Variants in MSH3 observed in about 807,000 individuals in gnomAD.
The protein encoded by MSH3 is mutS homolog 3.
A neutral mutation model predicts 123.3 loss-of-function variants in MSH3; 106 were observed. That is an observed-to-expected ratio of 0.86 (90% CI 0.73 to 1.01). The LOEUF is 1.01. MSH3 is among the 50% of genes least tolerant of loss of function. MSH3 has a pLI of 0.00. For synonymous variants in MSH3, 515 were observed against 481.4 expected (o/e 1.07, Z -0.91); for missense variants, 1,459 against 1,347.6 (o/e 1.08, Z -1.29).
At chr5:80,699,241 G>C (rs567390386) in intron 8 of MSH3, among the ~76,000 whole-genome samples, 84 of 152,304 alleles carry the variant, frequency 5.5e-4, no homozygotes, top group African/African-American at 1.9e-3. Flanking sequence ...TAACAAAACT[G>C]ATTTGGGTTT....
intron 8 of MSH3, among the ~76,000 whole-genome samples, chr5:80,710,405 A>G (rs1452824954): frequency 6.6e-6 from 1 of 152,208 alleles, no homozygotes; most frequent in African/African-American, 2.4e-5. Flanking sequence ...TTATAGCACA[A>G]TTAAAATTAT....
chr5:80,727,553 A>G (rs1743324089), intron 9 of MSH3, among the ~76,000 whole-genome samples: 1 of 152,244 alleles, frequency 6.6e-6, no homozygotes, highest in Admixed American at 6.5e-5. Flanking sequence ...ATCATTAACA[A>G]TTTGGCATAT....
chr5:80,792,025 A>G (rs1744614884), intron 18 of MSH3, among the ~76,000 whole-genome samples: 2 of 152,216 alleles, frequency 1.3e-5, no homozygotes, highest in East Asian at 3.8e-4. Flanking sequence ...AAAAGATACA[A>G]AAGACCGTAG....
chr5:80,675,202 T>A (rs1337448922), intron 7 of MSH3, 74 bp downstream of exon 7: 2 of 1,480,212 alleles, frequency 1.4e-6, no homozygotes, highest in Non-Finnish European at 1.9e-6. Flanking sequence ...CATGTATGGT[T>A]TATAATAAGG....
intron 22 of MSH3, among the ~76,000 whole-genome samples, chr5:80,865,888 G>A (rs1050609343): frequency 6.6e-6 from 1 of 152,170 alleles, no homozygotes. Context: ...GGCAGTTCCT[G>A]CTTTTCACCA....
At chr5:80,733,840 A>G (rs1743455784) in intron 10 of MSH3, among the ~76,000 whole-genome samples, 1 of 152,146 alleles carries the variant, frequency 6.6e-6, no homozygotes, top group Admixed American at 6.5e-5. Flanking sequence ...GATGCAGACA[A>G]CTTGAAATCC....
At chr5:80,715,682 C>G (rs1750945221) in intron 8 of MSH3, among the ~76,000 whole-genome samples, 1 of 152,032 alleles carries the variant, frequency 6.6e-6, no homozygotes, top group South Asian at 2.1e-4. Context: ...AGGAAACTTA[C>G]AGTCGTGGCA....
chr5:80,774,403 C>T (rs1342916874), intron 15 of MSH3, among the ~76,000 whole-genome samples: 1 of 137,876 alleles, frequency 7.3e-6, no homozygotes, highest in East Asian at 2.2e-4. Context: ...TTTGGAGGTC[C>T]CTCAAAAAAA....
At chr5:80,854,555 G>A (rs556644126) in intron 21 of MSH3, among the ~76,000 whole-genome samples, 4 of 152,148 alleles carry the variant, frequency 2.6e-5, no homozygotes, top group Non-Finnish European at 4.4e-5. Flanking sequence ...TATTACTGCT[G>A]TAGTCATAAT....
At chr5:80,818,732 C>T (rs1745150072) in intron 20 of MSH3, among the ~76,000 whole-genome samples, 1 of 152,160 alleles carries the variant, frequency 6.6e-6, no homozygotes, top group African/African-American at 2.4e-5. Flanking sequence ...CCAAGATATA[C>T]ATCACAATAA....
At chr5:80,840,259 A>T (rs1204030260) in intron 20 of MSH3, among the ~76,000 whole-genome samples, 2 of 152,174 alleles carry the variant, frequency 1.3e-5, no homozygotes, top group African/African-American at 4.8e-5. Context: ...ATTCTAAGGT[A>T]CTAAACTTTG....
chr5:80,765,208 C>G (rs931239772), intron 13 of MSH3, among the ~76,000 whole-genome samples: 3 of 152,156 alleles, frequency 2.0e-5, no homozygotes, highest in Non-Finnish European at 2.9e-5. Context: ...TACATTGTGT[C>G]TCAGCTTGGA....
intron 21 of MSH3, among the ~76,000 whole-genome samples, chr5:80,862,580 A>T (rs1746031980): frequency 6.6e-6 from 1 of 151,872 alleles, no homozygotes. Flanking sequence ...ACATAGTGAG[A>T]CCCCTCTCTA....
At chr5:80,816,182 T>C (rs1679120) in intron 20 of MSH3, among the ~76,000 whole-genome samples, 107,081 of 151,782 alleles carry the variant, frequency 0.71, 37,752 homozygotes, top group South Asian at 0.8. Context: ...ATGAAAGCTA[T>C]GTAGTGGAGA....
intron 22 of MSH3, among the ~76,000 whole-genome samples, chr5:80,868,914 T>C (rs942336249): frequency 2.0e-5 from 3 of 152,194 alleles, no homozygotes; most frequent in African/African-American, 4.8e-5. Context: ...TGTTCCTGGC[T>C]ATATCTGTGC....
intron 9 of MSH3, among the ~76,000 whole-genome samples, chr5:80,728,621 A>G (rs1225704395): frequency 6.6e-6 from 1 of 152,180 alleles, no homozygotes; most frequent in Non-Finnish European, 1.5e-5. Context: ...TCATTCCACC[A>G]TCAGAAAAAT....
chr5:80,663,425 C>T lies in MSH3; in HGVS notation c.359-1718C>T, dbSNP rs149980765. Among the ~76,000 whole-genome samples the T allele has an allele frequency of 3.9e-5, 6 of 152,086 alleles. No individual in the cohort carries two copies. The East Asian group carries it at 1.2e-3, about 29-fold the overall frequency. ...CTCTCAGTGCTTTTTCCCCTGGCCT[C>T]TCTACTCCATTTCAATTGAGTATGA... On this transcript the variant is annotated intron_variant, in intron 2 of 23. Transcript: ENST00000265081.
rs71539687 is a variant in MSH3, at chr5:80,675,103, A to G, written c.1148A>G (p.Lys383Arg). The change falls in exon 7 of 24, where the codon AAG (lysine) becomes AGG (arginine). Residue 383 changes from lysine (K) to arginine (R), a missense_variant. Lys to Arg is a conservative substitution (Grantham distance 26). Transcript: ENST00000265081. ...AAGGAAAATGTTAGGGACAAAAAAA[A>G]GGGCAACATTTTTATTGGCATTGTG... ...ENKENVRDKKKGNIFIGIVGV... is the reference protein window; with the variant it reads ...ENKENVRDKKRGNIFIGIVGV... 1.2e-6 allele frequency: 2 copies of G among 1,613,858 alleles called. No homozygotes were observed. Among genetic ancestry groups the G allele is most frequent in the Non-Finnish European group, 1.7e-6 (2 of 1,179,876 alleles).
chr5:80,692,812 G>A (rs1420169158), intron 8 of MSH3, among the ~76,000 whole-genome samples: 2 of 126,408 alleles, frequency 1.6e-5, no homozygotes, highest in Non-Finnish European at 3.4e-5. Context: ...TATATGTTTA[G>A]ATAAATATAC....
Sources: allele counts gnomAD v4.1 joint callset (sites outside exome capture counted in the v4.1 genomes callset), GRCh38; gene constraint gnomAD v4.1.1; transcripts MANE v1.5; gene names NCBI Gene and HGNC (gene_info 2026-07-23, HGNC 2026-07-21).